Variants in SIAH1 observed in about 807,000 individuals in gnomAD.
SIAH1 encodes the protein E3 ubiquitin-protein ligase SIAH1.
SIAH1 carries 2 observed loss-of-function variants against 20.0 expected under a neutral mutation model. That is an observed-to-expected ratio of 0.10 (90% CI 0.04 to 0.31). The LOEUF (loss-of-function observed/expected upper bound fraction) is 0.31. Ranked by LOEUF, SIAH1 falls within the 10% of genes least tolerant of loss-of-function variation. The pLI is 1.00. For missense variants in SIAH1, 119 were observed against 355.3 expected (o/e 0.33, Z 5.35); for synonymous variants, 118 against 125.3 (o/e 0.94, Z 0.39).
rs945388999 is a variant in SIAH1 at position 48,368,632 on chromosome 16, A to T, written c.-2-6202T>A. On this transcript the variant is annotated intron_variant, in intron 1 of 1. Transcript: ENST00000394725. ...AGAATCACTTGAACCTGGGAGGCGG[A>T]GGCTGCAGTGAGCCAAGATCGACTT... Among the ~76,000 whole-genome samples, 10 of 152,152 alleles carry T rather than the reference A, an allele frequency of 6.6e-5. 1 individual carries two copies. In the East Asian group the frequency reaches 1.2e-3, roughly 18 times the overall value.
At chr16:48,385,937 AAG>A (rs1360257746), upstream of SIAH1, among the ~76,000 whole-genome samples, 2 of 152,088 alleles carry the variant, frequency 1.3e-5, no homozygotes, top group Non-Finnish European at 1.5e-5. Flanking sequence ...CCCACCCCTA[AAG>A]AGAGTCCCAG....
chr16:48,369,478 C>A (rs188860701), intron 1 of SIAH1, among the ~76,000 whole-genome samples: 159 of 152,324 alleles, frequency 1.0e-3, no homozygotes, highest in Middle Eastern at 6.8e-3. Context: ...GTGGCTCATA[C>A]CTGTAATCCC....
At position 48,362,224 on chromosome 16, in the gene SIAH1, G is replaced by C; in HGVS notation, c.205C>G (p.Leu69Val). ...HLVCSNCRPKLTCCPTCRGPL... is the reference protein window; with the variant it reads ...HLVCSNCRPKVTCCPTCRGPL... Reference sequence around the variant, plus strand: ...CCCCGGCAAGTTGGACAACATGTGAGCTTTGGGCGACAGTTGCTACAAACA... The same window carrying C: ...CCCCGGCAAGTTGGACAACATGTGACCTTTGGGCGACAGTTGCTACAAACA... Residue 69 changes from leucine to valine, a missense_variant, in exon 2 of 2, where the codon CTC (leucine) becomes GTC (valine). By Grantham distance (32) the Leu-to-Val change is conservative. Coordinates refer to ENST00000394725, the MANE Select transcript of SIAH1 (RefSeq NM_003031.4). This position sits in a 1 kb window ranked among gnomAD's most constrained non-coding sequence, Gnocchi z 4.2. 1 of 1,614,230 alleles carries C rather than the reference G, an allele frequency of 6.2e-7. No individual in the cohort carries two copies.
chr16:48,380,928 C>CAAAAAAAAGAAAAA (rs1961263922), intron 1 of SIAH1, among the ~76,000 whole-genome samples: 1 of 44,956 alleles, frequency 2.2e-5, no homozygotes, highest in African/African-American at 1.0e-4. Context: ...GACTCCGTCT[C>CAAAAAAAAGAAAAA]AAAAAAAAAA....
intron 1 of SIAH1, among the ~76,000 whole-genome samples, chr16:48,378,500 G>T (rs1190473386): frequency 2.6e-5 from 4 of 152,202 alleles, no homozygotes; most frequent in Non-Finnish European, 5.9e-5. Context: ...TTGTTTCTTC[G>T]ATCTGGGAGG....
chr16:48,375,807 C>T (rs1418999332), intron 1 of SIAH1, among the ~76,000 whole-genome samples: 1 of 151,994 alleles, frequency 6.6e-6, no homozygotes. Flanking sequence ...TGTAATGAAA[C>T]AGAAAAGAAA....
At chr16:48,365,185 CAA>C (rs1298116259) in intron 1 of SIAH1, 1 of 558,278 alleles carries the variant, frequency 1.8e-6, no homozygotes, top group East Asian at 3.0e-5. Flanking sequence ...CAGTAGGAAC[CAA>C]GGACAGCCCT....
rs1344596238 is a variant in SIAH1 at position 48,365,963 on chromosome 16, C to CCGGGGCGCCAGGGCCAGTTCAGGGCG, written c.-2-3559_-2-3534dup. 3.0e-5 allele frequency: 35 copies of CCGGGGCGCCAGGGCCAGTTCAGGGCG among 1,152,498 alleles called. No homozygotes were observed. The African/African-American group carries it at 5.3e-4, about 17-fold the overall frequency. The allele number at this position is 1,152,498 out of a possible 1,614,324, so 71.4% of individuals were successfully genotyped here. ...CTGCGTTGGGAACGCCTACTCCAAC[C>CCGGGGCGCCAGGGCCAGTTCAGGGCG]CGGGGCGCCAGGGCCAGTTCAGGGC... On this transcript the variant is annotated intron_variant, in intron 1 of 1. Transcript: ENST00000394725.
intron 1 of SIAH1, among the ~76,000 whole-genome samples, chr16:48,368,722 G>A (rs1041219655): frequency 6.6e-6 from 1 of 151,616 alleles, no homozygotes; most frequent in Non-Finnish European, 1.5e-5. Flanking sequence ...CAGCCTGGGC[G>A]ACAGAGCAAG....
At chr16:48,369,112 A>G (rs966584987) in intron 1 of SIAH1, among the ~76,000 whole-genome samples, 2 of 152,262 alleles carry the variant, frequency 1.3e-5, no homozygotes, top group South Asian at 4.1e-4. Context: ...TTAAAATGCC[A>G]AAAGTTAAAA....
At chr16:48,371,629 C>T (rs893293121) in intron 1 of SIAH1, among the ~76,000 whole-genome samples, 45 of 152,314 alleles carry the variant, frequency 3.0e-4, no homozygotes, top group African/African-American at 1.0e-3. Flanking sequence ...CTTTTTATTT[C>T]ATACCACACA....
intron 1 of SIAH1, among the ~76,000 whole-genome samples, chr16:48,383,575 T>G (rs543176900): frequency 6.6e-6 from 1 of 152,346 alleles, no homozygotes; most frequent in South Asian, 2.1e-4. Flanking sequence ...CTAAGTTGGT[T>G]AACTCAAGTC....
At chr16:48,384,815 C>T (rs1384880752) in intron 1 of SIAH1, among the ~76,000 whole-genome samples, 11 of 149,630 alleles carry the variant, frequency 7.4e-5, no homozygotes, top group Non-Finnish European at 1.3e-4. Flanking sequence ...CCCTCCACAA[C>T]AAAGGCCGGC....
chr16:48,376,453 A>G (rs1387976424), intron 1 of SIAH1, among the ~76,000 whole-genome samples: 1 of 152,088 alleles, frequency 6.6e-6, no homozygotes, highest in African/African-American at 2.4e-5. Context: ...AAAAAACTAC[A>G]TATTTTGTAG....
intron 1 of SIAH1, among the ~76,000 whole-genome samples, chr16:48,376,189 G>A (rs1236614558): frequency 4.6e-5 from 7 of 152,290 alleles, no homozygotes; most frequent in African/African-American, 1.7e-4. Flanking sequence ...ATAAATAATA[G>A]TTTGGGGGTG....
chr16:48,365,769 G>A (rs753539775), intron 1 of SIAH1: 37 of 1,341,996 alleles, frequency 2.8e-5, no homozygotes, highest in Admixed American at 6.4e-5. Flanking sequence ...TCCCAAGTTT[G>A]TTTTCTCCAG....
intron 1 of SIAH1, among the ~76,000 whole-genome samples, chr16:48,364,645 A>G (rs1161887163): frequency 6.6e-6 from 1 of 152,208 alleles, no homozygotes; most frequent in Non-Finnish European, 1.5e-5. Context: ...CTTTGTACAT[A>G]TGACATCCAT....
Position 48,377,247 on chromosome 16 carries a change from C to CA in SIAH1, c.-3+7956dup, listed in dbSNP as rs1169914583. On this transcript the variant is annotated intron_variant, in intron 1 of 1. Coordinates refer to ENST00000394725, the MANE Select transcript of SIAH1 (RefSeq NM_003031.4). Reference sequence around the variant, plus strand: ...CCTGTTCAAAACAAAAACGAATAAGCAAAAAAAACCAAAAACAAAACAAAA... The same window carrying CA: ...CCTGTTCAAAACAAAAACGAATAAGCAAAAAAAAACCAAAAACAAAACAAAA... Among the ~76,000 whole-genome samples the CA allele has an allele frequency of 9.5e-4, 143 of 150,916 alleles. 1 individual carries two copies. The highest frequency in any genetic ancestry group is 3.2e-3 in the African/African-American group (133 of 41,112).
intron 1 of SIAH1, among the ~76,000 whole-genome samples, chr16:48,381,315 A>G (rs929520252): frequency 2.0e-5 from 3 of 152,176 alleles, no homozygotes; most frequent in African/African-American, 7.2e-5. Context: ...ACTGTACTCC[A>G]CCCCAGGGCA....
Sources: gnomAD v4.1 joint callset for allele counts (sites outside exome capture counted in the v4.1 genomes callset) on GRCh38, gnomAD v4.1.1 for gene constraint, Gnocchi (gnomAD v3.1) non-coding constraint, MANE v1.5 for transcripts, NCBI Gene and HGNC (gene_info 2026-07-23, HGNC 2026-07-21) for gene names.